SCAMP5: variants seen among roughly 807,000 people sequenced by gnomAD.
SCAMP5 encodes the protein secretory carrier membrane protein 5.
In SCAMP5, 7 loss-of-function variants were observed where a neutral mutation model predicts 28.3. That is an observed-to-expected ratio of 0.25 (90% CI 0.14 to 0.46). SCAMP5 has a LOEUF of 0.46. Among genes scored for constraint, SCAMP5 ranks in the 20% least tolerant of loss-of-function variants. SCAMP5 has a pLI of 0.99. For missense variants in SCAMP5, 192 were observed against 312.5 expected (o/e 0.61, Z 2.91); for synonymous variants, 117 against 116.4 (o/e 1.00, Z -0.03).
At chr15:75,007,226 C>T (rs1030952105) in intron 1 of SCAMP5, among the ~76,000 whole-genome samples, 1 of 152,158 alleles carries the variant, frequency 6.6e-6, no homozygotes, top group Non-Finnish European at 1.5e-5. Context: ...CTTACCTTTC[C>T]GCGGTCTGAA....
intron 1 of SCAMP5, among the ~76,000 whole-genome samples, chr15:75,005,620 G>GT (rs1443126945): frequency 6.6e-6 from 1 of 152,176 alleles, no homozygotes; most frequent in Non-Finnish European, 1.5e-5. Context: ...TTGTCGGATT[G>GT]TTTTTTCATA....
rs978335175 is a variant in SCAMP5 at position 74,996,402 on chromosome 15, G to C, written c.-49+729G>C. ...GGTTGGGGGAACCAAGTAGAGACTC[G>C]GACTGAGCATTCACTGTCACAGGCG... On this transcript the variant is annotated intron_variant, in intron 1 of 6. Transcript: ENST00000425597. The surrounding 1 kb of genome is among the most constrained non-coding windows in gnomAD (Gnocchi z 4.1). The C allele has an allele frequency of 6.6e-6, 1 of 152,456 alleles. No homozygotes were observed. The highest frequency in any genetic ancestry group is 1.5e-5 in the Non-Finnish European group (1 of 68,220). The allele number at this position is 152,456 out of a possible 1,614,324, so 9.4% of individuals were successfully genotyped here.
At chr15:75,007,579 T>C (rs960387132) in intron 1 of SCAMP5, 2 of 152,122 alleles carry the variant, frequency 1.3e-5, no homozygotes, top group Non-Finnish European at 1.5e-5. Flanking sequence ...TTGTTTTTGT[T>C]TTTTTGAGAC....
intron 2 of SCAMP5, 24 bp downstream of exon 2, chr15:75,011,870 G>A: frequency 6.2e-7 from 1 of 1,608,722 alleles, no homozygotes; most frequent in Non-Finnish European, 8.5e-7. Context: ...CAGGCTGTGT[G>A]GGTAGGACAT....
At chr15:75,011,595 C>T (rs12902280) in intron 1 of SCAMP5, 197 bp from the exon 2 acceptor site, 6,141 of 382,442 alleles carry the variant, frequency 0.016, 88 homozygotes, top group Middle Eastern at 0.033. Flanking sequence ...AAGCAGAGGG[C>T]GGGAGCAGCT....
At chr15:75,001,869 C>CAAAAA (rs769760180) in intron 1 of SCAMP5, among the ~76,000 whole-genome samples, 4 of 40,462 alleles carry the variant, frequency 9.9e-5, no homozygotes, top group East Asian at 1.2e-3. Flanking sequence ...GACTCGGTCT[C>CAAAAA]AAAAAAAAAA....
At chr15:75,008,511 T>C (rs1252354009) in intron 1 of SCAMP5, among the ~76,000 whole-genome samples, 1 of 151,704 alleles carries the variant, frequency 6.6e-6, no homozygotes, top group Non-Finnish European at 1.5e-5. Context: ...CTTTTTTTTT[T>C]TTTTTTGAGA....
intron 1 of SCAMP5, among the ~76,000 whole-genome samples, chr15:75,011,232 T>A (rs970755965): frequency 2.6e-5 from 4 of 151,854 alleles, no homozygotes; most frequent in African/African-American, 9.7e-5. Flanking sequence ...TTAAAAAAAT[T>A]TAATTTCCCT....
chr15:75,008,611 C>T (rs1441532482), intron 1 of SCAMP5, among the ~76,000 whole-genome samples: 4 of 151,916 alleles, frequency 2.6e-5, no homozygotes, highest in African/African-American at 9.7e-5. Flanking sequence ...GCGATTCTCC[C>T]ACCTCAGCCT....
intron 4 of SCAMP5, chr15:75,017,548 T>C (rs1489435497): frequency 9.2e-6 from 5 of 543,738 alleles, no homozygotes; most frequent in African/African-American, 5.7e-5. Context: ...GGTGTCATTG[T>C]CCATCCCCTT....
In SCAMP5 at chr15:75,016,600, C is replaced by T. The variant is rs765221844; in HGVS notation, c.144C>T (p.Ser48=). Residue 48 remains serine, a synonymous_variant, in exon 4 of 7, where the codon AGC becomes AGT. Coordinates refer to ENST00000425597, the MANE Select transcript of SCAMP5 (RefSeq NM_138967.4). ...GTGCTCCTGGGCCTGCAGTGAACAGCGTCACGCTGGCCGTGAACCTGGTGG... is the reference window on the plus strand; with the variant it reads ...GTGCTCCTGGGCCTGCAGTGAACAGTGTCACGCTGGCCGTGAACCTGGTGG... ...KRLYYLWMLN[S]VTLAVNLVGC... 4.3e-6 allele frequency: 7 copies of T among 1,612,176 alleles called. No homozygotes were observed. Among genetic ancestry groups the T allele is most frequent in the African/African-American group, 1.3e-5 (1 of 74,838 alleles).
At chr15:75,017,646 G>C (rs1410780744) in intron 4 of SCAMP5, 11 of 604,650 alleles carry the variant, frequency 1.8e-5, no homozygotes, top group Non-Finnish European at 2.4e-5. Flanking sequence ...TGGGTGGTCT[G>C]TTCATGGGAA....
intron 1 of SCAMP5, among the ~76,000 whole-genome samples, chr15:75,009,348 T>G (rs190090134): frequency 6.6e-6 from 1 of 152,284 alleles, no homozygotes; most frequent in East Asian, 1.9e-4. Context: ...TTTTTGTATC[T>G]GTATTTGATC....
rs551042124 is a variant in SCAMP5, at chr15:75,003,203, G to A, written c.-49+7530G>A. Reference sequence around the variant, plus strand: ...CTCTCAAAGTGCTGGGATTACAGGCGTGAGCCATGGTGCCCAGCCTGCAAA... The same window carrying A: ...CTCTCAAAGTGCTGGGATTACAGGCATGAGCCATGGTGCCCAGCCTGCAAA... On this transcript the variant is annotated intron_variant, in intron 1 of 6. Transcript: ENST00000425597. 1.4e-4 allele frequency among the ~76,000 whole-genome samples: 21 copies of A among 152,318 alleles called. No homozygotes were observed. In the East Asian group the frequency reaches 3.9e-3, roughly 28 times the overall value.
rs527501720 is a variant in SCAMP5 at position 75,005,981 on chromosome 15, CT to C, written c.-48-5790del. 6.5e-3 allele frequency among the ~76,000 whole-genome samples: 527 copies of C among 81,016 alleles called. 1 individual carries two copies. Among genetic ancestry groups the C allele is most frequent in the East Asian group, 9.0e-3 (19 of 2,110 alleles). 53.1% of individuals were successfully genotyped at this position (81,016 alleles called of 152,430 possible). A position where few individuals can be genotyped will look rare whatever the true frequency, so the allele number is the denominator to read the frequency against. Reference sequence around the variant, plus strand: ...CCTCAAGTGATCCGCCTCGGCCTCCCTTTTTTTTTTTTTTTTTTTTTGCTTT... The same window carrying C: ...CCTCAAGTGATCCGCCTCGGCCTCCCTTTTTTTTTTTTTTTTTTTTGCTTT... On this transcript the variant is annotated intron_variant, in intron 1 of 6. Transcript: ENST00000425597.
chr15:75,011,144 T>C (rs1595886384), intron 1 of SCAMP5, among the ~76,000 whole-genome samples: 1 of 151,724 alleles, frequency 6.6e-6, no homozygotes, highest in African/African-American at 2.4e-5. Context: ...AGGCTGAGGC[T>C]GCCGTGAGCT....
chr15:75,001,869 C>CAAAAAAAAAA (rs769760180), intron 1 of SCAMP5, among the ~76,000 whole-genome samples: 15 of 40,460 alleles, frequency 3.7e-4, no homozygotes, highest in African/African-American at 1.5e-3. Context: ...GACTCGGTCT[C>CAAAAAAAAAA]AAAAAAAAAA....
intron 1 of SCAMP5, among the ~76,000 whole-genome samples, chr15:75,004,267 A>C (rs1233947029): frequency 3.3e-5 from 5 of 152,130 alleles, no homozygotes; most frequent in Non-Finnish European, 7.4e-5. Context: ...ACACCTGGGC[A>C]CAAGTGATCA....
At chr15:75,012,922 G>A (rs2065825660) in intron 3 of SCAMP5, 117 bp downstream of exon 3, 1 of 972,698 alleles carries the variant, frequency 1.0e-6, no homozygotes, top group Admixed American at 2.0e-5. Context: ...CCCACTTGTG[G>A]CATATGCATG....
Sources: gnomAD v4.1 joint callset for allele counts (sites outside exome capture counted in the v4.1 genomes callset) on GRCh38, gnomAD v4.1.1 for gene constraint, Gnocchi (gnomAD v3.1) non-coding constraint, MANE v1.5 for transcripts, NCBI Gene and HGNC (gene_info 2026-07-23, HGNC 2026-07-21) for gene names.